The following AGBL4 variants were observed in gnomAD, a reference collection of about 807,000 sequenced individuals.
AGBL4 encodes cytosolic carboxypeptidase 6.
AGBL4 carries 58 observed loss-of-function variants against 66.4 expected under a neutral mutation model. The observed-to-expected ratio is 0.87, with a 90% confidence interval of 0.71 to 1.09. The LOEUF (loss-of-function observed/expected upper bound fraction) is 1.09, where lower values mean the gene tolerates loss of function less well. Ranked by LOEUF, AGBL4 falls within the 50% of genes least tolerant of loss-of-function variation. AGBL4 has a pLI of 0.00. For synonymous variants in AGBL4, 234 were observed against 222.9 expected (o/e 1.05, Z -0.44); for missense variants, 579 against 631.0 (o/e 0.92, Z 0.88).
chr1:49,913,511 C>T (rs1376322755), intron 1 of AGBL4, among the ~76,000 whole-genome samples: 1 of 152,226 alleles, frequency 6.6e-6, no homozygotes. Flanking sequence ...TCAGCCCACA[C>T]GTCAGTGCTC....
At chr1:49,278,469 A>C (rs969032414) in intron 3 of AGBL4, among the ~76,000 whole-genome samples, 5 of 152,174 alleles carry the variant, frequency 3.3e-5, no homozygotes, top group African/African-American at 1.2e-4. Flanking sequence ...GATCTACTTT[A>C]CAGCTGTATG....
At chr1:49,580,385 T>C (rs914222033) in intron 3 of AGBL4, among the ~76,000 whole-genome samples, 16 of 152,206 alleles carry the variant, frequency 1.1e-4, no homozygotes, top group African/African-American at 3.9e-4. Context: ...TTGTAAAAAT[T>C]CTTTGTTTCT....
At chr1:49,849,256 T>G (rs1056538403) in intron 2 of AGBL4, among the ~76,000 whole-genome samples, 1 of 151,976 alleles carries the variant, frequency 6.6e-6, no homozygotes, top group Non-Finnish European at 1.5e-5. Flanking sequence ...GGGCATTGAT[T>G]TGGAAACACG....
At chr1:49,302,611 TTA>T (rs1223503526) in intron 3 of AGBL4, among the ~76,000 whole-genome samples, 1 of 62,170 alleles carries the variant, frequency 1.6e-5, no homozygotes, top group African/African-American at 1.5e-4. Flanking sequence ...TTTTATTTTT[TTA>T]TTTTATTTTA....
chr1:48,650,514 C>T (rs572017464), intron 8 of AGBL4, among the ~76,000 whole-genome samples: 12 of 151,662 alleles, frequency 7.9e-5, no homozygotes, highest in African/African-American at 2.9e-4. Flanking sequence ...CCCTCCTTGC[C>T]TCCTTCCCTC....
At chr1:48,733,895 A>T (rs1264839063) in intron 6 of AGBL4, among the ~76,000 whole-genome samples, 1 of 152,216 alleles carries the variant, frequency 6.6e-6, no homozygotes, top group Non-Finnish European at 1.5e-5. Flanking sequence ...GAGATGAATC[A>T]GATACAGTCC....
intron 3 of AGBL4, among the ~76,000 whole-genome samples, chr1:49,525,257 T>C (rs747706850): frequency 1.3e-5 from 2 of 151,962 alleles, no homozygotes; most frequent in Non-Finnish European, 2.9e-5. Context: ...AATCTGATAA[T>C]AGCAGGAATT....
At chr1:49,866,851 C>T (rs575874484) in intron 1 of AGBL4, among the ~76,000 whole-genome samples, 2 of 151,678 alleles carry the variant, frequency 1.3e-5, no homozygotes, top group Non-Finnish European at 2.9e-5. Context: ...ATTCTCATGG[C>T]AACTCCTGGA....
intron 3 of AGBL4, among the ~76,000 whole-genome samples, chr1:49,647,714 A>C (rs1353705067): frequency 6.6e-6 from 1 of 152,064 alleles, no homozygotes; most frequent in Non-Finnish European, 1.5e-5. Context: ...AGCCTAACCT[A>C]CAGGGATTTG....
intron 3 of AGBL4, among the ~76,000 whole-genome samples, chr1:49,281,318 A>C (rs936882285): frequency 6.6e-6 from 1 of 152,202 alleles, no homozygotes; most frequent in African/African-American, 2.4e-5. Context: ...CAGTCTCTCA[A>C]ACTGGTCTGA....
chr1:48,582,874 T>C (rs1644760788), intron 11 of AGBL4, among the ~76,000 whole-genome samples: 1 of 152,178 alleles, frequency 6.6e-6, no homozygotes. Flanking sequence ...CATGTTTGGC[T>C]GGTGCTTTTC....
intron 3 of AGBL4, among the ~76,000 whole-genome samples, chr1:49,489,486 C>T (rs1331955009): frequency 6.6e-6 from 1 of 151,462 alleles, no homozygotes. Flanking sequence ...CTGTGGTTTC[C>T]CTCTCCACTT....
rs571795312 is a variant in AGBL4 at position 48,752,983 on chromosome 1, C to T, written c.635-89742G>A. On this transcript the variant is annotated intron_variant, in intron 6 of 13. Coordinates refer to ENST00000371839, the MANE Select transcript of AGBL4 (RefSeq NM_032785.4). Reference sequence around the variant, plus strand: ...CAGGATGGTCTCGATCTCTTGACCTCGTGATCCGCCTGCCTCGGCCTCCCA... The same window carrying T: ...CAGGATGGTCTCGATCTCTTGACCTTGTGATCCGCCTGCCTCGGCCTCCCA... 3.0e-3 allele frequency among the ~76,000 whole-genome samples: 456 copies of T among 152,248 alleles called. 1 individual carries two copies. The highest frequency in any genetic ancestry group is 0.01 in the African/African-American group (434 of 41,540).
chr1:48,872,896 G>A (rs1648825577), intron 5 of AGBL4, among the ~76,000 whole-genome samples: 1 of 152,146 alleles, frequency 6.6e-6, no homozygotes, highest in Non-Finnish European at 1.5e-5. Flanking sequence ...CACTCTAAAC[G>A]GGGGAGCAAC....
At chr1:49,415,017 G>A (rs1645396966) in intron 3 of AGBL4, among the ~76,000 whole-genome samples, 1 of 152,076 alleles carries the variant, frequency 6.6e-6, no homozygotes, top group African/African-American at 2.4e-5. Flanking sequence ...GGAACCTGAG[G>A]CATAGAGAGG....
At chr1:49,845,121 T>C in intron 2 of AGBL4, 8 of 1,431,104 alleles carry the variant, frequency 5.6e-6, no homozygotes, top group Non-Finnish European at 7.9e-6. Flanking sequence ...GCTCAGCACT[T>C]ACCCAACACC....
rs143466510 is a variant in AGBL4 at position 49,937,703 on chromosome 1, A to G, written c.34+86060T>C. ...TAAGAATCTCATTCAAAACAGCTCA[A>G]CTACGTAGAAACTGAACAACCTGCT... is the stretch of plus-strand genomic sequence containing the variant. On this transcript the variant is annotated intron_variant, in intron 1 of 13. Coordinates refer to ENST00000371839, the MANE Select transcript of AGBL4 (RefSeq NM_032785.4). Among the ~76,000 whole-genome samples the G allele has an allele frequency of 3.0e-4, 46 of 152,352 alleles. No homozygotes were observed. In the East Asian group the frequency reaches 8.5e-3, roughly 28 times the overall value.
chr1:49,328,631 T>C (rs1279580234), intron 3 of AGBL4, among the ~76,000 whole-genome samples: 1 of 152,224 alleles, frequency 6.6e-6, no homozygotes, highest in Non-Finnish European at 1.5e-5. Context: ...TAACAATTTC[T>C]ACCTGGTCAT....
intron 3 of AGBL4, among the ~76,000 whole-genome samples, chr1:49,607,753 G>T (rs1179084806): frequency 6.6e-6 from 1 of 152,102 alleles, no homozygotes; most frequent in East Asian, 1.9e-4. Flanking sequence ...CAGGCACAGT[G>T]TCAGATCTGT....
Sources: gnomAD v4.1 joint callset for allele counts (sites outside exome capture counted in the v4.1 genomes callset) on GRCh38, gnomAD v4.1.1 for gene constraint, MANE v1.5 for transcripts, NCBI Gene and HGNC (gene_info 2026-07-23, HGNC 2026-07-21) for gene names.